SPAG9: variants seen among roughly 807,000 people sequenced by gnomAD.
SPAG9 encodes the protein sperm associated antigen 9.
Under a neutral mutation model 166.5 loss-of-function variants are expected in SPAG9, and 35 were observed. That is an observed-to-expected ratio of 0.21 (90% CI 0.16 to 0.28). The LOEUF (loss-of-function observed/expected upper bound fraction) is 0.28, where lower values mean the gene tolerates loss of function less well. SPAG9 is among the 10% of genes least tolerant of loss of function. The pLI is 1.00. For synonymous variants in SPAG9, 534 were observed against 565.5 expected (o/e 0.94, Z 0.79); for missense variants, 1,235 against 1,603.3 (o/e 0.77, Z 3.92).
chr17:51,005,396 C>T, intron 11 of SPAG9, 133 bp from the exon 12 acceptor site: 1 of 746,080 alleles, frequency 1.3e-6, no homozygotes, highest in East Asian at 2.7e-5. Context: ...TATTTAGCCA[C>T]CCTCATTTGG....
intron 2 of SPAG9, among the ~76,000 whole-genome samples, chr17:51,072,078 C>CT (rs372452480): frequency 1.3e-5 from 2 of 152,004 alleles, no homozygotes; most frequent in Admixed American, 1.3e-4. Context: ...TTCATATTTT[C>CT]TTTTTTTGTT....
chr17:51,106,767 A>C (rs2048962235), intron 1 of SPAG9, among the ~76,000 whole-genome samples: 1 of 152,166 alleles, frequency 6.6e-6, no homozygotes, highest in Admixed American at 6.6e-5. Context: ...ACTGCACTCC[A>C]GTCTGGGCAA....
At chr17:50,996,187 C>G (rs1018111184) in intron 16 of SPAG9, 9 of 185,596 alleles carry the variant, frequency 4.8e-5, no homozygotes, top group Non-Finnish European at 7.9e-5. Flanking sequence ...AAGACCTGAA[C>G]TTAATTTTAA....
intron 2 of SPAG9, among the ~76,000 whole-genome samples, chr17:51,069,399 A>C (rs1174351853): frequency 6.6e-6 from 1 of 152,114 alleles, no homozygotes; most frequent in African/African-American, 2.4e-5. Context: ...AGTTTTGTAC[A>C]AGCCTGAATG....
intron 5 of SPAG9, among the ~76,000 whole-genome samples, chr17:51,037,665 T>TATATATATATATATATATATA (rs2046646737): frequency 3.2e-5 from 3 of 92,912 alleles, no homozygotes; most frequent in African/African-American, 1.1e-4. Flanking sequence ...TATATGTGTT[T>TATATATATATATATATATATA]TATATATATA....
intron 4 of SPAG9, chr17:51,046,688 C>T (rs866080835): frequency 9.1e-6 from 14 of 1,535,828 alleles, no homozygotes; most frequent in South Asian, 2.4e-5. Flanking sequence ...GTGAAACACC[C>T]GAACCAAGGA....
Position 51,027,378 on chromosome 17 carries a change from T to G in SPAG9, c.783+4303A>C, listed in dbSNP as rs1252711196. Reference sequence around the variant, plus strand: ...ATCCAGAAGGGGGAAGAGGTTGCAGTGAGCCAAGATCATACCACTGCGCTC... The same window carrying G: ...ATCCAGAAGGGGGAAGAGGTTGCAGGGAGCCAAGATCATACCACTGCGCTC... On this transcript the variant is annotated intron_variant, in intron 6 of 29. Coordinates refer to ENST00000262013, the MANE Select transcript of SPAG9 (RefSeq NM_001130528.3). 3.3e-5 allele frequency among the ~76,000 whole-genome samples: 5 copies of G among 150,950 alleles called. No homozygotes were observed. The East Asian group carries it at 9.7e-4, about 29-fold the overall frequency.
intron 1 of SPAG9, among the ~76,000 whole-genome samples, chr17:51,114,400 G>A (rs1300016090): frequency 2.0e-5 from 3 of 152,108 alleles, no homozygotes; most frequent in Non-Finnish European, 4.4e-5. Context: ...GGCAGGCCAA[G>A]GTAGGCAGAT....
chr17:50,986,708 C>G (rs2143782191), intron 22 of SPAG9, among the ~76,000 whole-genome samples: 1 of 152,242 alleles, frequency 6.6e-6, no homozygotes, highest in East Asian at 1.9e-4. Context: ...GTAAAAAATT[C>G]ACTAAAAGTT....
rs1209436884 is a variant in SPAG9 at position 51,120,567 on chromosome 17, G to A, written c.90C>T (p.Ser30=). ...MSERVSGLAG[S]IYREFERLIG... is the part of the protein sequence containing the mutation. Reference sequence around the variant, plus strand: ...TAAGCCGCTCGAACTCGCGGTAGATGGAGCCGGCCAGGCCGGACACCCGCT... The same window carrying A: ...TAAGCCGCTCGAACTCGCGGTAGATAGAGCCGGCCAGGCCGGACACCCGCT... The change falls in exon 1 of 30, where the codon TCC becomes TCT. Residue 30 remains serine (S), a synonymous_variant. Transcript: ENST00000262013. The surrounding 1 kb of genome is among the most constrained non-coding windows in gnomAD (Gnocchi z 4.7). 6.2e-7 allele frequency: 1 copy of A among 1,613,630 alleles called. No individual in the cohort carries two copies. The highest frequency in any genetic ancestry group is 1.3e-5 in the African/African-American group (1 of 75,028).
chr17:50,985,042 G>C, intron 23 of SPAG9, 52 bp from the exon 24 acceptor site: 6 of 1,520,564 alleles, frequency 3.9e-6, no homozygotes, highest in Non-Finnish European at 5.5e-6. Context: ...ATACAGAAGG[G>C]ACCACATGCT....
chr17:50,981,469 C>T (rs1400039871), intron 25 of SPAG9, among the ~76,000 whole-genome samples: 3 of 146,986 alleles, frequency 2.0e-5, no homozygotes, highest in African/African-American at 7.6e-5. Flanking sequence ...TAGATATAAA[C>T]AGATACACAG....
In SPAG9 at chr17:50,993,150, A is replaced by G. The variant is rs1975753513; in HGVS notation, c.2398+614T>C. Among the ~76,000 whole-genome samples the G allele has an allele frequency of 2.0e-5, 3 of 150,660 alleles. No homozygotes were observed. In the South Asian group the frequency reaches 6.3e-4, roughly 32 times the overall value. On this transcript the variant is annotated intron_variant, in intron 19 of 29. Transcript: ENST00000262013. Reference sequence around the variant, plus strand: ...ACCAACATGGTAAAACCCCGTCTCTAGTAAAAATGCAAACAATTAGCCGGG... The same window carrying G: ...ACCAACATGGTAAAACCCCGTCTCTGGTAAAAATGCAAACAATTAGCCGGG...
At chr17:51,043,591 G>A (rs1344809641) in intron 4 of SPAG9, among the ~76,000 whole-genome samples, 1 of 152,102 alleles carries the variant, frequency 6.6e-6, no homozygotes, top group African/African-American at 2.4e-5. Context: ...TTGTCAATCT[G>A]ATGTTTTCCC....
At chr17:51,089,505 C>A (rs1598159901) in intron 1 of SPAG9, among the ~76,000 whole-genome samples, 1 of 149,178 alleles carries the variant, frequency 6.7e-6, no homozygotes, top group Non-Finnish European at 1.5e-5. Context: ...AAGAACTTAT[C>A]CATGTAACCA....
At chr17:50,974,724 A>G in intron 28 of SPAG9, 47 bp downstream of exon 28, 1 of 1,501,632 alleles carries the variant, frequency 6.7e-7, no homozygotes, top group Non-Finnish European at 9.0e-7. Context: ...GAGATGACAG[A>G]AGAGAGACAA....
chr17:51,087,621 A>C (rs763521365), intron 1 of SPAG9, among the ~76,000 whole-genome samples: 1 of 152,222 alleles, frequency 6.6e-6, no homozygotes, highest in Non-Finnish European at 1.5e-5. Flanking sequence ...TCCCTTCTAC[A>C]TTCAGAGATC....
At chr17:51,089,620 TTATATATATATATA>T (rs746370783) in intron 1 of SPAG9, among the ~76,000 whole-genome samples, 426 of 40,482 alleles carry the variant, frequency 0.011, 12 homozygotes, top group Middle Eastern at 0.044. Context: ...ACACTTTATT[TTATATATATATATA>T]TATATATATA....
intron 1 of SPAG9, among the ~76,000 whole-genome samples, chr17:51,090,210 C>A (rs1000572208): frequency 6.6e-6 from 1 of 151,884 alleles, no homozygotes; most frequent in South Asian, 2.1e-4. Flanking sequence ...ATTCACAAAG[C>A]GAGTAAAAAA....
Sources: allele counts gnomAD v4.1 joint callset (sites outside exome capture counted in the v4.1 genomes callset), GRCh38; gene constraint gnomAD v4.1.1; non-coding constraint Gnocchi (gnomAD v3.1); transcripts MANE v1.5; gene names NCBI Gene and HGNC (gene_info 2026-07-23, HGNC 2026-07-21).